The following CREB1 variants were observed in gnomAD, a reference collection of about 807,000 sequenced individuals.
CREB1 encodes cyclic AMP-responsive element-binding protein 1.
CREB1 carries 2 observed loss-of-function variants against 42.0 expected under a neutral mutation model. That is an observed-to-expected ratio of 0.05 (90% CI 0.02 to 0.15). The LOEUF (loss-of-function observed/expected upper bound fraction) is 0.15. CREB1 is among the 10% of genes least tolerant of loss of function. CREB1 has a pLI of 1.00. For missense variants in CREB1, 199 were observed against 388.9 expected (o/e 0.51, Z 4.11); for synonymous variants, 123 against 139.9 (o/e 0.88, Z 0.85).
In CREB1 at chr2:207,597,738, C is replaced by G. The variant is rs1437611750; in HGVS notation, c.*680C>G. On this transcript the variant is annotated 3_prime_UTR_variant, in exon 8 of 8. Transcript: ENST00000353267. The stretch of plus-strand genomic sequence containing the variant: ...ATAGGGCAGTTGTTGCTTCTTAATT[C>G]AGTTCTGTATGTGTTCAACATTTTT... 1 of 204,280 alleles carries G rather than the reference C, an allele frequency of 4.9e-6. No homozygotes were observed. Among genetic ancestry groups the G allele is most frequent in the Non-Finnish European group, 1.0e-5 (1 of 99,904 alleles). The allele number at this position is 204,280 out of a possible 1,614,324, so 12.7% of individuals were successfully genotyped here.
At chr2:207,591,555 C>A (rs76708278) in intron 7 of CREB1, among the ~76,000 whole-genome samples, 5,940 of 152,214 alleles carry the variant, frequency 0.039, 152 homozygotes, top group African/African-American at 0.066. Context: ...GCCTCAGCTT[C>A]CAAAATAGCT....
chr2:207,543,946 G>A (rs769159098), intron 1 of CREB1, among the ~76,000 whole-genome samples: 11 of 150,352 alleles, frequency 7.3e-5, no homozygotes, highest in Non-Finnish European at 1.3e-4. Context: ...TTGAGACGAG[G>A]TCTCGCTGTG....
chr2:207,532,350 A>G (rs1385871974), intron 1 of CREB1, among the ~76,000 whole-genome samples: 10 of 151,522 alleles, frequency 6.6e-5, no homozygotes, highest in Non-Finnish European at 8.8e-5. Flanking sequence ...GAAAGAATAT[A>G]TGACTCTTCA....
intron 7 of CREB1, chr2:207,581,919 C>T (rs2083010511): frequency 1.4e-6 from 1 of 702,750 alleles, no homozygotes; most frequent in Non-Finnish European, 2.6e-6. Context: ...TTTAGAATAT[C>T]CCTCAGTTTG....
intron 7 of CREB1, among the ~76,000 whole-genome samples, chr2:207,578,921 G>T (rs929533838): frequency 9.2e-5 from 14 of 152,076 alleles, no homozygotes; most frequent in African/African-American, 3.4e-4. Context: ...CTCCCGAGTA[G>T]CTGGGATTAC....
chr2:207,542,270 A>G (rs1173434244), intron 1 of CREB1, among the ~76,000 whole-genome samples: 1 of 151,976 alleles, frequency 6.6e-6, no homozygotes, highest in Non-Finnish European at 1.5e-5. Context: ...TAGGGTTCAA[A>G]TTTTCCCCCA....
intron 4 of CREB1, chr2:207,567,823 T>C (rs989491849): frequency 3.9e-6 from 1 of 255,542 alleles, no homozygotes; most frequent in African/African-American, 2.2e-5. Flanking sequence ...TGTTAAAAGT[T>C]TGGAATACAG....
chr2:207,540,669 TAAAAAAAAAAA>T (rs35714520), intron 1 of CREB1, among the ~76,000 whole-genome samples: 22 of 64,252 alleles, frequency 3.4e-4, no homozygotes, highest in East Asian at 1.5e-3. Flanking sequence ...GTTTAAAAAG[TAAAAAAAAAAA>T]AAAAAAAAAA....
chr2:207,598,729 C>A lies in CREB1; in HGVS notation c.*1671C>A, dbSNP rs138437655. 1,970 of 164,684 alleles carry A rather than the reference C, an allele frequency of 0.012. 25 individuals are homozygous for A. Among genetic ancestry groups the A allele is most frequent in the African/African-American group, 0.03 (1,244 of 41,924 alleles). The allele number at this position is 164,684 out of a possible 1,614,324, so 10.2% of individuals were successfully genotyped here. A position where few individuals can be genotyped will look rare whatever the true frequency, so the allele number is the denominator to read the frequency against. ...AGGCGTGGTGGCTGGCGCCTGTAAT[C>A]CCAGCTACTCAGGAGGTTGAGGCAG... On this transcript the variant is annotated 3_prime_UTR_variant, in exon 8 of 8. Transcript: ENST00000353267.
chr2:207,572,098 C>T (rs1202562826), intron 5 of CREB1, among the ~76,000 whole-genome samples: 4 of 151,918 alleles, frequency 2.6e-5, no homozygotes, highest in Non-Finnish European at 5.9e-5. Flanking sequence ...TAGTGGCGGA[C>T]GCCTGTAATC....
intron 7 of CREB1, among the ~76,000 whole-genome samples, chr2:207,594,399 C>T (rs966350382): frequency 1.3e-5 from 2 of 152,098 alleles, no homozygotes; most frequent in African/African-American, 4.8e-5. Flanking sequence ...TCCCCCAGCC[C>T]CTGGCAGCCA....
At chr2:207,534,313 G>A (rs1018449904) in intron 1 of CREB1, among the ~76,000 whole-genome samples, 3 of 151,868 alleles carry the variant, frequency 2.0e-5, no homozygotes, top group Non-Finnish European at 4.4e-5. Flanking sequence ...CTCAGCTCAC[G>A]GCAACCTCTG....
At chr2:207,545,279 C>T (rs572295481) in intron 1 of CREB1, among the ~76,000 whole-genome samples, 3 of 152,268 alleles carry the variant, frequency 2.0e-5, no homozygotes, top group African/African-American at 7.2e-5. Flanking sequence ...ATGATCTCGG[C>T]TCACTGCAAC....
chr2:207,576,817 A>T (rs764242799), intron 6 of CREB1: 7 of 1,021,754 alleles, frequency 6.9e-6, no homozygotes, highest in Non-Finnish European at 8.3e-6. Context: ...GTTCCTTATT[A>T]GGAGAGCATA....
intron 1 of CREB1, among the ~76,000 whole-genome samples, chr2:207,539,332 C>T (rs1044091430): frequency 3.3e-5 from 5 of 151,708 alleles, no homozygotes; most frequent in African/African-American, 4.8e-5. Flanking sequence ...CATGAACCAC[C>T]GCCCCCAGCC....
chr2:207,597,632 CT>C lies in CREB1; in HGVS notation c.*579del. ...AGGAATTAGAAATGAATTTGGAGTG[CT>C]TTTTATGTATGTTGTCTTCTTCAAT... is the stretch of plus-strand genomic sequence containing the variant. On this transcript the variant is annotated 3_prime_UTR_variant, in exon 8 of 8. Coordinates refer to ENST00000353267, the MANE Select transcript of CREB1 (RefSeq NM_004379.5). The C allele has an allele frequency of 4.8e-6, 1 of 208,062 alleles. No homozygotes were observed. The highest frequency in any genetic ancestry group is 7.3e-5 in the East Asian group (1 of 13,608). 12.9% of individuals were successfully genotyped at this position (208,062 alleles called of 1,614,324 possible).
At position 207,597,051 on chromosome 2, in the gene CREB1, C is replaced by G. The variant is rs749035114; in HGVS notation, c.977C>G (p.Ser326Ter). Residue 326 changes from serine (S) to a stop codon, truncating the protein, a stop_gained, in exon 8 of 8, where the codon TCA becomes TGA. Transcript: ENST00000353267. LOFTEE classifies it high-confidence loss of function. ...CTTAAGGACCTTTACTGCCACAAAT[C>G]AGATTAATTTGGGATTTAAATTTTC... is the stretch of plus-strand genomic sequence containing the variant. The part of the protein sequence containing the change: ...KALKDLYCHK[S>*]D 6.3e-7 allele frequency: 1 copy of G among 1,596,232 alleles called. No individual in the cohort carries two copies. The highest frequency in any genetic ancestry group is 8.5e-7 in the Non-Finnish European group (1 of 1,174,934).
chr2:207,580,824 G>A (rs990160002), intron 7 of CREB1: 2 of 221,910 alleles, frequency 9.0e-6, no homozygotes, highest in African/African-American at 2.2e-5. Flanking sequence ...TCTCCTTCAT[G>A]TGCCCATCTG....
In CREB1 at chr2:207,541,074, G is replaced by A. The variant is rs202082446; in HGVS notation, c.-9+10940G>A. 2.0e-5 allele frequency among the ~76,000 whole-genome samples: 3 copies of A among 152,120 alleles called. 1 individual carries two copies. The East Asian group carries it at 5.8e-4, about 29-fold the overall frequency. ...GTTCCTACTAAAAGTGCAAAAATTA[G>A]CCAGGTGTGGTGGCAGGCGCCCGTA... On this transcript the variant is annotated intron_variant, in intron 1 of 7. Transcript: ENST00000353267.
Sources: gnomAD v4.1 joint callset for allele counts (sites outside exome capture counted in the v4.1 genomes callset) on GRCh38, gnomAD v4.1.1 for gene constraint, MANE v1.5 for transcripts, NCBI Gene and HGNC (gene_info 2026-07-23, HGNC 2026-07-21) for gene names.